The following KCTD8 variants were observed in gnomAD, a reference collection of about 807,000 sequenced individuals.
KCTD8 encodes BTB/POZ domain-containing protein KCTD8.
A neutral mutation model predicts 31.5 loss-of-function variants in KCTD8; 27 were observed. That is an observed-to-expected ratio of 0.86 (90% CI 0.63 to 1.18). KCTD8 has a LOEUF of 1.18. Among genes scored for constraint, KCTD8 ranks in the 50% most tolerant of loss-of-function variants. The probability of loss-of-function intolerance (pLI) is 0.00; values close to 1 mark genes in which losing one functional copy is unlikely to be tolerated. For missense variants in KCTD8, 658 were observed against 647.7 expected (o/e 1.02, Z -0.17); for synonymous variants, 290 against 280.0 (o/e 1.04, Z -0.36).
intron 1 of KCTD8, among the ~76,000 whole-genome samples, chr4:44,200,828 A>T (rs1400388642): frequency 1.3e-5 from 2 of 152,126 alleles, no homozygotes; most frequent in Non-Finnish European, 2.9e-5. Flanking sequence ...AAGAGAAAAA[A>T]GTAAAATGCA....
chr4:44,283,679 C>A (rs893949379), intron 1 of KCTD8, among the ~76,000 whole-genome samples: 1 of 152,022 alleles, frequency 6.6e-6, no homozygotes, highest in Non-Finnish European at 1.5e-5. Flanking sequence ...AAAAAAGATT[C>A]CTTTCAAAAT....
intron 1 of KCTD8, among the ~76,000 whole-genome samples, chr4:44,193,989 T>C (rs6811002): frequency 0.24 from 36,972 of 152,060 alleles, 5,084 homozygotes; most frequent in African/African-American, 0.38. Flanking sequence ...GTAGAGGGAA[T>C]ATAACAGAGA....
At chr4:44,348,626 G>A (rs369849419) in intron 1 of KCTD8, among the ~76,000 whole-genome samples, 7 of 152,110 alleles carry the variant, frequency 4.6e-5, no homozygotes, top group South Asian at 4.1e-4. Flanking sequence ...AAAGCTATAC[G>A]TATTGCTTTA....
intron 1 of KCTD8, among the ~76,000 whole-genome samples, chr4:44,393,348 T>C (rs1449074452): frequency 1.3e-5 from 2 of 152,014 alleles, no homozygotes; most frequent in African/African-American, 2.4e-5. Flanking sequence ...TTCAAAATAA[T>C]ATATTCCTAA....
intron 1 of KCTD8, among the ~76,000 whole-genome samples, chr4:44,425,644 G>A (rs753301809): frequency 2.6e-5 from 4 of 151,944 alleles, no homozygotes; most frequent in Non-Finnish European, 4.4e-5. Flanking sequence ...GTAGTTTCTG[G>A]TTATTACTGA....
At chr4:44,345,285 G>T (rs1382042948) in intron 1 of KCTD8, among the ~76,000 whole-genome samples, 1 of 152,010 alleles carries the variant, frequency 6.6e-6, no homozygotes, top group Non-Finnish European at 1.5e-5. Context: ...AATAATAAAT[G>T]TAAAAAGAAT....
At chr4:44,258,391 T>C (rs1163304582) in intron 1 of KCTD8, among the ~76,000 whole-genome samples, 2 of 151,952 alleles carry the variant, frequency 1.3e-5, no homozygotes, top group Non-Finnish European at 1.5e-5. Flanking sequence ...AAATTACATC[T>C]CAATAAAGAT....
chr4:44,193,967 A>C (rs2109336015), intron 1 of KCTD8, among the ~76,000 whole-genome samples: 1 of 152,302 alleles, frequency 6.6e-6, no homozygotes, highest in South Asian at 2.1e-4. Context: ...AAATTAGGAA[A>C]ATAGATGAGA....
At chr4:44,289,655 C>T (rs1320636400) in intron 1 of KCTD8, among the ~76,000 whole-genome samples, 1 of 152,108 alleles carries the variant, frequency 6.6e-6, no homozygotes. Flanking sequence ...ACACGAGATC[C>T]CACAACCCCC....
chr4:44,370,533 C>A (rs1719754008), intron 1 of KCTD8, among the ~76,000 whole-genome samples: 1 of 152,118 alleles, frequency 6.6e-6, no homozygotes, highest in Admixed American at 6.5e-5. Context: ...TTCTATATTT[C>A]TCCTCTAATA....
chr4:44,425,643 G>C (rs1485355457), intron 1 of KCTD8, among the ~76,000 whole-genome samples: 1 of 151,952 alleles, frequency 6.6e-6, no homozygotes, highest in African/African-American at 2.4e-5. Flanking sequence ...AGTAGTTTCT[G>C]GTTATTACTG....
At chr4:44,423,071 C>A (rs377293433) in intron 1 of KCTD8, among the ~76,000 whole-genome samples, 7 of 152,160 alleles carry the variant, frequency 4.6e-5, no homozygotes, top group African/African-American at 1.7e-4. Context: ...CGGGGAACAT[C>A]TGAAAATCTG....
intron 1 of KCTD8, among the ~76,000 whole-genome samples, chr4:44,322,227 C>T (rs1475558205): frequency 2.6e-5 from 4 of 152,050 alleles, no homozygotes; most frequent in African/African-American, 7.3e-5. Flanking sequence ...ACAGTGTACA[C>T]GTGGTCCCTT....
At chr4:44,201,020 A>G (rs1714131201) in intron 1 of KCTD8, among the ~76,000 whole-genome samples, 1 of 152,116 alleles carries the variant, frequency 6.6e-6, no homozygotes, top group Admixed American at 6.6e-5. Context: ...AATAATGACC[A>G]GGCTGAGAGT....
chr4:44,444,745 G>A (rs1721896551), intron 1 of KCTD8, among the ~76,000 whole-genome samples: 1 of 149,080 alleles, frequency 6.7e-6, no homozygotes, highest in South Asian at 2.1e-4. Context: ...TGAACCATTT[G>A]CCACTTTCTT....
chr4:44,185,017 G>C (rs566911055), intron 1 of KCTD8, among the ~76,000 whole-genome samples: 2 of 152,286 alleles, frequency 1.3e-5, no homozygotes, highest in African/African-American at 2.4e-5. Flanking sequence ...AGAAATATCA[G>C]AGAAAATATA....
At chr4:44,213,754 A>G (rs540802231) in intron 1 of KCTD8, among the ~76,000 whole-genome samples, 9 of 152,268 alleles carry the variant, frequency 5.9e-5, no homozygotes, top group African/African-American at 1.2e-4. Context: ...TTATAAATCA[A>G]TATGAGCCAT....
At chr4:44,359,214 G>A (rs1369275258) in intron 1 of KCTD8, among the ~76,000 whole-genome samples, 1 of 150,958 alleles carries the variant, frequency 6.6e-6, no homozygotes, top group Non-Finnish European at 1.5e-5. Flanking sequence ...TGCTTTTGGT[G>A]TTTTAGTCAT....
At chr4:44,299,589 G>A (rs1241428904) in intron 1 of KCTD8, among the ~76,000 whole-genome samples, 1 of 151,940 alleles carries the variant, frequency 6.6e-6, no homozygotes, top group Non-Finnish European at 1.5e-5. Context: ...TTAGCTGGAC[G>A]TGGTGGCAAG....
Sources: allele counts gnomAD v4.1 joint callset (sites outside exome capture counted in the v4.1 genomes callset), GRCh38; gene constraint gnomAD v4.1.1; transcripts MANE v1.5; gene names NCBI Gene and HGNC (gene_info 2026-07-23, HGNC 2026-07-21).